Variants in GFOD1 observed in about 807,000 individuals in gnomAD.
GFOD1 encodes the protein glucose-fructose oxidoreductase domain-containing protein 1.
A neutral mutation model predicts 25.4 loss-of-function variants in GFOD1; 9 were observed. The ratio of observed to expected loss-of-function variants is 0.35; its 90% confidence interval spans 0.21 to 0.62. The LOEUF is 0.62. Among genes scored for constraint, GFOD1 ranks in the 20% least tolerant of loss-of-function variants. GFOD1 has a pLI of 0.72. For synonymous variants in GFOD1, 253 were observed against 245.6 expected, an observed-to-expected ratio of 1.03 and a Z score of -0.28; for missense variants, 403 against 556.9, an observed-to-expected ratio of 0.72 and a Z score of 2.78.
chr6:13,367,769 A>C (rs1785075127), intron 1 of GFOD1, among the ~76,000 whole-genome samples: 1 of 152,104 alleles, frequency 6.6e-6, no homozygotes, highest in Non-Finnish European at 1.5e-5. Context: ...AAGAAAAAAA[A>C]AAAAAAGAAT....
At chr6:13,414,175 C>A (rs745839706) in intron 1 of GFOD1, among the ~76,000 whole-genome samples, 1 of 152,262 alleles carries the variant, frequency 6.6e-6, no homozygotes, top group Non-Finnish European at 1.5e-5. Flanking sequence ...TAAGTACCCA[C>A]TAACAAGCTA....
chr6:13,395,960 G>A (rs1461577747), intron 1 of GFOD1, among the ~76,000 whole-genome samples: 3 of 152,212 alleles, frequency 2.0e-5, no homozygotes. Flanking sequence ...GAGGGCAGGC[G>A]GAAGGGGATG....
At chr6:13,485,914 C>A (rs1426907613) in intron 1 of GFOD1, 1 of 542,096 alleles carries the variant, frequency 1.8e-6, no homozygotes, top group Non-Finnish European at 2.4e-6. Flanking sequence ...AGTTAAAACC[C>A]CCTGGTTTTA....
chr6:13,375,433 G>C (rs1661301564), intron 1 of GFOD1, among the ~76,000 whole-genome samples: 1 of 152,192 alleles, frequency 6.6e-6, no homozygotes, highest in African/African-American at 2.4e-5. Context: ...GGGGATGGGA[G>C]GCCCGATGTT....
intron 1 of GFOD1, among the ~76,000 whole-genome samples, chr6:13,467,144 T>C (rs1031414775): frequency 6.7e-6 from 1 of 149,954 alleles, no homozygotes; most frequent in Non-Finnish European, 1.5e-5. Flanking sequence ...AGAAGCCAAG[T>C]GAACCAACCA....
chr6:13,453,307 G>T (rs1758130948), intron 1 of GFOD1, among the ~76,000 whole-genome samples: 1 of 152,030 alleles, frequency 6.6e-6, no homozygotes, highest in Admixed American at 6.6e-5. Flanking sequence ...TCTCTCACTG[G>T]GCTGCAAGCT....
At position 13,364,952 on chromosome 6, in the gene GFOD1, C is replaced by T; in HGVS notation, c.964G>A (p.Asp322Asn). The change falls in exon 2 of 2, where the codon GAC (aspartate) becomes AAC (asparagine). Residue 322 changes from aspartate to asparagine, a missense_variant. Asp to Asn is a conservative substitution (Grantham distance 23). Coordinates refer to ENST00000379287, the MANE Select transcript of GFOD1 (RefSeq NM_018988.4). This position sits in a 1 kb window ranked among gnomAD's most constrained non-coding sequence, Gnocchi z 4.1. ...GGCCGCCCATCCCACGTGCGCCGGT[C>T]GTCCTGGTCCTGGAAGGCCTGGCGC... ...AVRQAFQDQD[D>N]RRTWDGRPLT... The T allele has an allele frequency of 1.2e-6, 2 of 1,610,746 alleles. No individual in the cohort carries two copies. The highest frequency in any genetic ancestry group is 1.1e-5 in the South Asian group (1 of 91,036).
At chr6:13,380,556 C>T (rs1480093352) in intron 1 of GFOD1, among the ~76,000 whole-genome samples, 1 of 152,196 alleles carries the variant, frequency 6.6e-6, no homozygotes, top group Non-Finnish European at 1.5e-5. Flanking sequence ...ACACACACCC[C>T]TGGCGGAGAC....
intron 1 of GFOD1, among the ~76,000 whole-genome samples, chr6:13,477,836 C>T (rs891116224): frequency 1.3e-5 from 2 of 151,902 alleles, no homozygotes; most frequent in Admixed American, 6.6e-5. Context: ...AAGACTGAGG[C>T]GGGTGGATCA....
intron 1 of GFOD1, among the ~76,000 whole-genome samples, chr6:13,436,064 T>G (rs1464977742): frequency 6.6e-6 from 1 of 152,082 alleles, no homozygotes; most frequent in Non-Finnish European, 1.5e-5. Flanking sequence ...TATCGGGGAG[T>G]AACAGTGGTT....
intron 1 of GFOD1, among the ~76,000 whole-genome samples, chr6:13,475,162 T>A (rs532040008): frequency 9.9e-5 from 15 of 151,672 alleles, no homozygotes; most frequent in African/African-American, 3.6e-4. Context: ...CAAAGAAAAA[T>A]GTGACTGTCT....
At chr6:13,467,308 G>A (rs964816896) in intron 1 of GFOD1, among the ~76,000 whole-genome samples, 8 of 152,184 alleles carry the variant, frequency 5.3e-5, no homozygotes, top group African/African-American at 1.9e-4. Context: ...TGGTGCCTGT[G>A]TTATATAGGT....
At chr6:13,481,161 T>C (rs9474313) in intron 1 of GFOD1, among the ~76,000 whole-genome samples, 230 of 152,248 alleles carry the variant, frequency 1.5e-3, no homozygotes, top group African/African-American at 5.3e-3. Context: ...GGAAGAGTGT[T>C]ACCAGGAAGA....
chr6:13,449,228 C>T (rs768783545), intron 1 of GFOD1, among the ~76,000 whole-genome samples: 3 of 152,198 alleles, frequency 2.0e-5, no homozygotes, highest in African/African-American at 7.2e-5. Flanking sequence ...GAGGTTGGGG[C>T]TGCAGTGAGC....
At chr6:13,473,409 C>T (rs779855460) in intron 1 of GFOD1, among the ~76,000 whole-genome samples, 1 of 152,206 alleles carries the variant, frequency 6.6e-6, no homozygotes, top group Non-Finnish European at 1.5e-5. Context: ...GCAGTTCTTC[C>T]CACGCCCTCT....
chr6:13,477,343 G>A (rs1224794240), intron 1 of GFOD1, among the ~76,000 whole-genome samples: 3 of 151,796 alleles, frequency 2.0e-5, no homozygotes, highest in Non-Finnish European at 4.4e-5. Flanking sequence ...AGGCAGACAG[G>A]CAGGCTGGAG....
At chr6:13,436,605 A>G (rs776126597) in intron 1 of GFOD1, among the ~76,000 whole-genome samples, 3 of 152,258 alleles carry the variant, frequency 2.0e-5, no homozygotes, top group Non-Finnish European at 4.4e-5. Context: ...ACATAGACAC[A>G]TATGGTGTTT....
At chr6:13,407,964 A>C (rs1005577440) in intron 1 of GFOD1, 14 of 985,304 alleles carry the variant, frequency 1.4e-5, no homozygotes, top group African/African-American at 1.7e-5. Context: ...TTCACAGAAT[A>C]TCTCTTCTTG....
chr6:13,428,378 G>A (rs1012941128), intron 1 of GFOD1, among the ~76,000 whole-genome samples: 1 of 152,192 alleles, frequency 6.6e-6, no homozygotes, highest in African/African-American at 2.4e-5. Flanking sequence ...GGGGGGCTGG[G>A]GAGGAAGTGA....
Sources: allele counts gnomAD v4.1 joint callset (sites outside exome capture counted in the v4.1 genomes callset), GRCh38; gene constraint gnomAD v4.1.1; non-coding constraint Gnocchi (gnomAD v3.1); transcripts MANE v1.5; gene names NCBI Gene and HGNC (gene_info 2026-07-23, HGNC 2026-07-21).